SRGAP2C: variants seen among roughly 807,000 people sequenced by gnomAD.
SRGAP2C encodes SLIT-ROBO Rho GTPase-activating protein 2C.
Under a neutral mutation model 25.1 loss-of-function variants are expected in SRGAP2C, and 15 were observed. The observed-to-expected ratio is 0.60, with a 90% confidence interval of 0.40 to 0.92. SRGAP2C has a LOEUF of 0.92. Among genes scored for constraint, SRGAP2C ranks in the 40% least tolerant of loss-of-function variants. SRGAP2C has a pLI of 0.00. For missense variants in SRGAP2C, 144 were observed against 264.4 expected (o/e 0.54, Z 3.16); for synonymous variants, 44 against 96.6 (o/e 0.46, Z 3.19).
intron 4 of SRGAP2C, among the ~76,000 whole-genome samples, chr1:121,354,395 TC>T (rs1659010509): frequency 2.0e-5 from 1 of 50,508 alleles, no homozygotes; most frequent in Non-Finnish European, 3.4e-5. Flanking sequence ...CCTTTTTTTT[TC>T]TTTTTTTTTT....
chr1:121,190,100 T>C (rs1346582495), intron 2 of SRGAP2C, among the ~76,000 whole-genome samples: 2 of 152,116 alleles, frequency 1.3e-5, no homozygotes, highest in African/African-American at 4.8e-5. Context: ...CTGGGCTCTC[T>C]ATGGAACAGC....
At chr1:121,346,961 A>G (rs1658760839) in intron 4 of SRGAP2C, among the ~76,000 whole-genome samples, 1 of 152,128 alleles carries the variant, frequency 6.6e-6, no homozygotes, top group South Asian at 2.1e-4. Flanking sequence ...CTCACACTTC[A>G]AATGTTTGGC....
chr1:121,305,190 G>C (rs1185918325), intron 3 of SRGAP2C, among the ~76,000 whole-genome samples: 1 of 151,910 alleles, frequency 6.6e-6, no homozygotes, highest in African/African-American at 2.4e-5. Context: ...TGCATTTAGC[G>C]AACCAAGAAT....
intron 3 of SRGAP2C, among the ~76,000 whole-genome samples, chr1:121,317,071 C>T (rs1226674439): frequency 1.7e-5 from 2 of 115,984 alleles, no homozygotes; most frequent in Non-Finnish European, 3.7e-5. Flanking sequence ...CCAATGTACA[C>T]ACAAGCCACA....
chr1:121,390,957 C>T lies in SRGAP2C; in HGVS notation c.*3102C>T, dbSNP rs1436375576. On this transcript the variant is annotated 3_prime_UTR_variant, in exon 10 of 10. Coordinates refer to ENST00000367123, the MANE Select transcript of SRGAP2C (RefSeq NM_001329984.2). ...TCAGGAGGCTAAGGTGGGAGGATTACTTGAACTGGGGAGGCATAGGTTGTA... is the reference window on the plus strand; with the variant it reads ...TCAGGAGGCTAAGGTGGGAGGATTATTTGAACTGGGGAGGCATAGGTTGTA... The T allele has an allele frequency of 1.6e-5, 2 of 122,664 alleles. No individual in the cohort carries two copies. 7.6% of individuals were successfully genotyped at this position (122,664 alleles called of 1,614,324 possible). A position where few individuals can be genotyped will look rare whatever the true frequency, so the allele number is the denominator to read the frequency against.
At chr1:121,188,050 G>A (rs1396808079) in intron 2 of SRGAP2C, among the ~76,000 whole-genome samples, 4 of 152,154 alleles carry the variant, frequency 2.6e-5, no homozygotes, top group Non-Finnish European at 5.9e-5. Context: ...CACCTTGGGT[G>A]TACCTTGTAC....
chr1:121,270,289 A>G (rs1553335075), intron 2 of SRGAP2C, among the ~76,000 whole-genome samples: 1 of 151,944 alleles, frequency 6.6e-6, no homozygotes, highest in Non-Finnish European at 1.5e-5. Context: ...CTTTATCTTC[A>G]GGCCTTGAAT....
chr1:121,201,029 C>CT (rs200543551), intron 2 of SRGAP2C, among the ~76,000 whole-genome samples: 75,754 of 115,398 alleles, frequency 0.66, 25,382 homozygotes, highest in East Asian at 0.77. Flanking sequence ...AAGGTTTCAT[C>CT]TTTTTTTTTT....
chr1:121,202,207 C>T, intron 2 of SRGAP2C, among the ~76,000 whole-genome samples: 1 of 152,060 alleles, frequency 6.6e-6, no homozygotes, highest in Non-Finnish European at 1.5e-5. Flanking sequence ...TGTGGCCACA[C>T]CCTCTATACA....
rs1553352733 is a variant in SRGAP2C, at chr1:121,374,946, C to T, written c.823C>T (p.Leu275Phe). Residue 275 changes from leucine (L) to phenylalanine (F), a missense_variant, in exon 7 of 10, where the codon CTT becomes TTT. By Grantham distance (22) the Leu-to-Phe change is conservative. Transcript: ENST00000367123. The part of the protein sequence containing the change: ...FKYYIHDLSD[L>F]IDQCCDLGYH... ...GTACTACATCCATGACCTATCTGAC[C>T]TTATTGATGTAAGTGCTTAAAGCCA... 1.3e-6 allele frequency: 1 copy of T among 777,582 alleles called. No individual in the cohort carries two copies. The highest frequency in any genetic ancestry group is 1.7e-5 in the Admixed American group (1 of 58,522). The allele number at this position is 777,582 out of a possible 1,614,324, so 48.2% of individuals were successfully genotyped here.
intron 3 of SRGAP2C, among the ~76,000 whole-genome samples, chr1:121,316,069 AT>A (rs1158412207): frequency 8.1e-6 from 1 of 123,402 alleles, no homozygotes; most frequent in African/African-American, 3.3e-5. Flanking sequence ...CAAGAATTTT[AT>A]TTTTTTTCCC....
At chr1:121,343,075 G>T in intron 4 of SRGAP2C, among the ~76,000 whole-genome samples, 1 of 151,534 alleles carries the variant, frequency 6.6e-6, no homozygotes, top group South Asian at 2.1e-4. Flanking sequence ...CTGTTCATTA[G>T]ACTCATATCA....
chr1:121,270,262 T>A (rs1340018417), intron 2 of SRGAP2C, among the ~76,000 whole-genome samples: 11 of 151,994 alleles, frequency 7.2e-5, no homozygotes, highest in Middle Eastern at 3.4e-3. Flanking sequence ...CTATCAGAAT[T>A]TTTTAAGACA....
At chr1:121,293,718 C>T (rs1553337978) in intron 3 of SRGAP2C, among the ~76,000 whole-genome samples, 25 of 149,176 alleles carry the variant, frequency 1.7e-4, no homozygotes, top group East Asian at 1.6e-3. Flanking sequence ...CATTCTCTGC[C>T]CAGAACATCT....
At chr1:121,204,041 G>GTGTA (rs1193809735) in intron 2 of SRGAP2C, among the ~76,000 whole-genome samples, 1 of 81,936 alleles carries the variant, frequency 1.2e-5, no homozygotes, top group Admixed American at 1.2e-4. Flanking sequence ...ATAGAGATAA[G>GTGTA]CCAGGCATGG....
Position 121,201,779 on chromosome 1 carries a change from G to A in SRGAP2C, c.67+14266G>A, listed in dbSNP as rs1248594547. ...AGATAAGAGCGTGATATGTAATTGA[G>A]TAAGAATTTGAAAAATTATCCGATA... On this transcript the variant is annotated intron_variant, in intron 2 of 9. Transcript: ENST00000367123. Among the ~76,000 whole-genome samples, 4 of 152,224 alleles carry A rather than the reference G, an allele frequency of 2.6e-5. No homozygotes were observed. The East Asian group carries it at 5.8e-4, about 22-fold the overall frequency.
intron 2 of SRGAP2C, among the ~76,000 whole-genome samples, chr1:121,201,040 T>TC (rs1239646444): frequency 1.5e-5 from 2 of 131,444 alleles, no homozygotes; most frequent in East Asian, 4.4e-4. Flanking sequence ...TTTTTTTTTT[T>TC]TTCTTTGTTT....
chr1:121,285,026 A>G, intron 3 of SRGAP2C, 31 bp downstream of exon 3: 1 of 1,101,360 alleles, frequency 9.1e-7, no homozygotes, highest in Non-Finnish European at 1.3e-6. Flanking sequence ...ACTCTCTGAG[A>G]CCTTGGAATA....
chr1:121,258,282 G>A (rs1183087503), intron 2 of SRGAP2C, among the ~76,000 whole-genome samples: 2 of 151,652 alleles, frequency 1.3e-5, no homozygotes, highest in Admixed American at 1.3e-4. Flanking sequence ...GTAGATGGAT[G>A]AGGAGTCTTC....
Sources: gnomAD v4.1 joint callset for allele counts (sites outside exome capture counted in the v4.1 genomes callset) on GRCh38, gnomAD v4.1.1 for gene constraint, MANE v1.5 for transcripts, NCBI Gene and HGNC (gene_info 2026-07-23, HGNC 2026-07-21) for gene names.